RP1L1: variants seen among roughly 807,000 people sequenced by gnomAD.
RP1L1 encodes retinitis pigmentosa 1-like 1 protein.
RP1L1 carries 27 observed loss-of-function variants against 15.7 expected under a neutral mutation model. The observed-to-expected ratio is 1.72, with a 90% CI of 1.27 to 2.38. RP1L1 has a LOEUF of 2.38. RP1L1 is among the 30% of genes most tolerant of loss of function. RP1L1 has a pLI of 0.00. For synonymous variants in RP1L1, 1,813 were observed against 1,276.7 expected (o/e 1.42, Z -8.96); for missense variants, 4,798 against 3,075.9 (o/e 1.56, Z -13.24).
At chr8:10,644,951 A>G (rs7844511) in intron 1 of RP1L1, among the ~76,000 whole-genome samples, 8,942 of 152,262 alleles carry the variant, frequency 0.059, 830 homozygotes, top group African/African-American at 0.2. Context: ...AACCAGTTTG[A>G]CTGATTTTTA....
intron 3 of RP1L1, 85 bp from the exon 4 acceptor site, chr8:10,613,431 C>T (rs4840503): frequency 0.99 from 1,553,739 of 1,566,436 alleles, 771,189 homozygotes; most frequent in East Asian, 1. Flanking sequence ...AAAACAGTCA[C>T]GAGCCTCCCA....
chr8:10,608,822 T>C lies in RP1L1; in HGVS notation c.5276A>G (p.Lys1759Arg). Residue 1759 changes from lysine to arginine, a missense_variant, in exon 4 of 4, where the codon AAA becomes AGA. Transcript: ENST00000382483. ...SQRLNRDKDP[K>R]LGEAEGDAMA... ...TGCATCTCCCTCTGCCTCCCCGAGTTTGGGATCTTTGTCTCTGTTGAGTCT... is the reference window on the plus strand; with the variant it reads ...TGCATCTCCCTCTGCCTCCCCGAGTCTGGGATCTTTGTCTCTGTTGAGTCT... 1 of 1,614,112 alleles carries C rather than the reference T, an allele frequency of 6.2e-7. No homozygotes were observed. Among genetic ancestry groups the C allele is most frequent in the Non-Finnish European group, 8.5e-7 (1 of 1,180,036 alleles).
Position 10,625,358 on chromosome 8 carries a change from G to A in RP1L1, c.-19-2138C>T, listed in dbSNP as rs368049240. Among the ~76,000 whole-genome samples the A allele has an allele frequency of 1.6e-4, 25 of 152,294 alleles. No homozygotes were observed. The South Asian group carries it at 4.1e-3, about 25-fold the overall frequency. On this transcript the variant is annotated intron_variant, in intron 1 of 3. Transcript: ENST00000382483. ...TCCTCCAGTACCACTCACCTGGGGC[G>A]TGAGTCCAGGAACCTGGGCCTTCGG...
Position 10,612,437 on chromosome 8 carries a change from C to T in RP1L1, c.1661G>A (p.Gly554Asp). 1 of 1,612,654 alleles carries T rather than the reference C, an allele frequency of 6.2e-7. No individual in the cohort carries two copies. Residue 554 changes from glycine to aspartate, a missense_variant, in exon 4 of 4, where the codon GGC (glycine) becomes GAC (aspartate). Physicochemically the swap from Gly to Asp is moderately conservative, Grantham distance 94. Transcript: ENST00000382483. ...GSSEWGGRPQ[G>D]CPGKARAETS... ...CTCGGCCCTTGCCTTGCCTGGACAG[C>T]CCTGGGGCCGCCCACCCCATTCGCT... is the stretch of plus-strand genomic sequence containing the variant.
At position 10,622,839 on chromosome 8, in the gene RP1L1, C is replaced by G. The variant is rs767785821; in HGVS notation, c.363G>C (p.Glu121Asp). ...KTPSGPGRPQ[E>D]RNPTAQQLRD... The stretch of plus-strand genomic sequence containing the variant: ...GCAACTGCTGAGCAGTGGGGTTTCT[C>G]TCCTGTGGCCGGCCTGGTCCACTGG... The change falls in exon 2 of 4, where the codon GAG becomes GAC. Residue 121 changes from glutamate (E) to aspartate (D), a missense_variant. By Grantham distance (45) the Glu-to-Asp change is conservative (BLOSUM62 2). Transcript: ENST00000382483. 2 of 1,613,174 alleles carry G rather than the reference C, an allele frequency of 1.2e-6. No homozygotes were observed. The highest frequency in any genetic ancestry group is 1.1e-5 in the South Asian group (1 of 91,036).
rs531405409 is a variant in RP1L1 at position 10,610,553 on chromosome 8, G to C, written c.3545C>G (p.Pro1182Arg). ...LWELTWSQAL[P>R]DLGSHAMTEN... is the part of the protein sequence containing the mutation. Reference sequence around the variant, plus strand: ...CGTCATGGCATGGGACCCAAGGTCTGGCAGAGCCTGGCTCCATGTGAGCTC... The same window carrying C: ...CGTCATGGCATGGGACCCAAGGTCTCGCAGAGCCTGGCTCCATGTGAGCTC... The change falls in exon 4 of 4, where the codon CCA becomes CGA. Residue 1182 changes from proline (P) to arginine (R), a missense_variant. By Grantham distance (103) the Pro-to-Arg change is moderately radical. Coordinates refer to ENST00000382483, the MANE Select transcript of RP1L1 (RefSeq NM_178857.6). 2 of 1,613,710 alleles carry C rather than the reference G, an allele frequency of 1.2e-6. No individual in the cohort carries two copies. The highest frequency in any genetic ancestry group is 1.7e-6 in the Non-Finnish European group (2 of 1,180,026).
chr8:10,612,672 G>A lies in RP1L1; in HGVS notation c.1426C>T (p.Pro476Ser). The A allele has an allele frequency of 6.2e-7, 1 of 1,601,752 alleles. No individual in the cohort carries two copies. Among genetic ancestry groups the A allele is most frequent in the Non-Finnish European group, 8.5e-7 (1 of 1,177,768 alleles). ...CTGGCACTGTCCACCCCGTCCTCCG[G>A]GGTCCTGGGGCAGCAGGAGGACTCT... Reference protein sequence around the residue: ...EPESSCCPRTPEDGVDSASPS... With the variant: ...EPESSCCPRTSEDGVDSASPS... The change falls in exon 4 of 4, where the codon CCG becomes TCG. Residue 476 changes from proline to serine, a missense_variant. By Grantham distance (74) the Pro-to-Ser change is moderately conservative. Transcript: ENST00000382483.
chr8:10,623,967 T>A (rs905968577), intron 1 of RP1L1, among the ~76,000 whole-genome samples: 2 of 151,742 alleles, frequency 1.3e-5, no homozygotes, highest in South Asian at 2.1e-4. Flanking sequence ...GGCATCACCA[T>A]GTCCCCAGCA....
chr8:10,614,924 T>C (rs1489056228), intron 3 of RP1L1, among the ~76,000 whole-genome samples: 1 of 150,390 alleles, frequency 6.6e-6, no homozygotes, highest in Non-Finnish European at 1.5e-5. Flanking sequence ...TAAAGTATAA[T>C]AAAAATAAAT....
intron 1 of RP1L1, among the ~76,000 whole-genome samples, chr8:10,649,934 C>T (rs932474695): frequency 5.3e-5 from 8 of 152,230 alleles, no homozygotes; most frequent in South Asian, 2.1e-4. Context: ...TCTGTTTGGG[C>T]GGCCTGCAGT....
intron 1 of RP1L1, among the ~76,000 whole-genome samples, chr8:10,635,560 T>C (rs1798316616): frequency 1.3e-5 from 2 of 152,196 alleles, no homozygotes; most frequent in Admixed American, 1.3e-4. Context: ...ACCAGGTAAC[T>C]TCTGTACTAT....
chr8:10,630,485 T>C (rs1337522611), intron 1 of RP1L1, among the ~76,000 whole-genome samples: 1 of 152,184 alleles, frequency 6.6e-6, no homozygotes, highest in African/African-American at 2.4e-5. Flanking sequence ...GGGTAAAGTT[T>C]GAGAGTTGTC....
intron 3 of RP1L1, among the ~76,000 whole-genome samples, chr8:10,616,174 G>T (rs1343787331): frequency 6.6e-6 from 1 of 152,132 alleles, no homozygotes; most frequent in Non-Finnish European, 1.5e-5. Flanking sequence ...CCCCCAAACG[G>T]CTGGAATTAC....
Position 10,608,938 on chromosome 8 carries a change from AGTGCTCGTGGG to A in RP1L1, c.5149_5159del (p.Pro1717Ter). ...CTCCCTCAGCTCCCTGGACAGTCCT[AGTGCTCGTGGG>A]GTCCGTGTGGGTCTTGCCAGGGGCC... On this transcript the variant is annotated frameshift_variant, in exon 4 of 4. Transcript: ENST00000382483. LOFTEE classifies it low-confidence loss of function (END_TRUNC). The A allele has an allele frequency of 6.2e-7, 1 of 1,613,696 alleles. No individual in the cohort carries two copies. The highest frequency in any genetic ancestry group is 8.5e-7 in the Non-Finnish European group (1 of 1,179,892).
chr8:10,631,267 A>C (rs1389680811), intron 1 of RP1L1, among the ~76,000 whole-genome samples: 1 of 151,474 alleles, frequency 6.6e-6, no homozygotes, highest in African/African-American at 2.4e-5. Context: ...ACACACGCAC[A>C]CAAACACGCA....
At chr8:10,631,368 CAT>C (rs1798246589) in intron 1 of RP1L1, among the ~76,000 whole-genome samples, 1 of 62,830 alleles carries the variant, frequency 1.6e-5, no homozygotes, top group Non-Finnish European at 3.3e-5. Context: ...CACAAACACA[CAT>C]GCACACAAAC....
In RP1L1 at chr8:10,612,586, G is replaced by C. The variant is rs1360590484; in HGVS notation, c.1512C>G (p.Gly504=). Residue 504 remains glycine (G), a synonymous_variant, in exon 4 of 4, where the codon GGC becomes GGG. Transcript: ENST00000382483. The part of the protein sequence containing the change: ...KAGGSLGEDP[G]LCIDGAGLGG... ...CCAGCCCTGCTCCATCTATGCATAG[G>C]CCGGGGTCCTCACCCAGGCTCCCTC... is the stretch of plus-strand genomic sequence containing the variant. 6.2e-7 allele frequency: 1 copy of C among 1,604,728 alleles called. No homozygotes were observed. Among genetic ancestry groups the C allele is most frequent in the South Asian group, 1.1e-5 (1 of 91,072 alleles).
chr8:10,612,206 C>T lies in RP1L1; in HGVS notation c.1892G>A (p.Cys631Tyr). ...SEGASSTPST[C>Y]TSSQQGQRRH... ...TCTCTGCCCCTGCTGGGATGAAGTG[C>T]AGGTGGAAGGGGTGGAAGAGGCTCC... The change falls in exon 4 of 4, where the codon TGC becomes TAC. Residue 631 changes from cysteine to tyrosine, a missense_variant. Transcript: ENST00000382483. 6.2e-7 allele frequency: 1 copy of T among 1,613,348 alleles called. No individual in the cohort carries two copies. Among genetic ancestry groups the T allele is most frequent in the Non-Finnish European group, 8.5e-7 (1 of 1,180,032 alleles).
chr8:10,653,479 T>C (rs73198802), intron 1 of RP1L1, among the ~76,000 whole-genome samples: 68,709 of 148,740 alleles, frequency 0.46, 16,831 homozygotes, highest in Middle Eastern at 0.58. Flanking sequence ...CACACACACA[T>C]ACACACACAC....
Sources: allele counts gnomAD v4.1 joint callset (sites outside exome capture counted in the v4.1 genomes callset), GRCh38; gene constraint gnomAD v4.1.1; transcripts MANE v1.5; gene names NCBI Gene and HGNC (gene_info 2026-07-23, HGNC 2026-07-21).